Variants in MALT1 observed in about 807,000 individuals in gnomAD.
The protein encoded by MALT1 is MALT1 paracaspase.
A neutral mutation model predicts 85.5 loss-of-function variants in MALT1; 36 were observed. That is an observed-to-expected ratio of 0.42 (90% CI 0.32 to 0.56). MALT1 has a LOEUF of 0.56. Ranked by LOEUF, MALT1 falls within the 20% of genes least tolerant of loss-of-function variation. The pLI, the probability that MALT1 is intolerant of heterozygous loss-of-function variation, is 0.10. For synonymous variants in MALT1, 359 were observed against 361.3 expected, an observed-to-expected ratio of 0.99 and a Z score of 0.07; for missense variants, 716 against 981.6, an observed-to-expected ratio of 0.73 and a Z score of 3.62.
chr18:58,673,708 C>T (rs1881649092), intron 1 of MALT1, among the ~76,000 whole-genome samples: 1 of 152,164 alleles, frequency 6.6e-6, no homozygotes, highest in African/African-American at 2.4e-5. Flanking sequence ...CTCAGTCTTC[C>T]AAAGTACTGG....
At chr18:58,676,093 G>A (rs1477698648) in intron 1 of MALT1, among the ~76,000 whole-genome samples, 9 of 152,060 alleles carry the variant, frequency 5.9e-5, no homozygotes, top group Admixed American at 5.2e-4. Flanking sequence ...GCCAAGCCAC[G>A]TTGTCTCTCA....
chr18:58,687,198 T>C (rs577526576), intron 2 of MALT1, among the ~76,000 whole-genome samples: 45 of 152,182 alleles, frequency 3.0e-4, no homozygotes, highest in Non-Finnish European at 5.0e-4. Flanking sequence ...AAGAAAAATA[T>C]CAAGAAGTGA....
rs543478337 is a variant in MALT1, at chr18:58,704,763, C to G, written c.649+4172C>G. Among the ~76,000 whole-genome samples the G allele has an allele frequency of 1.9e-4, 29 of 149,270 alleles. No individual in the cohort carries two copies. In the South Asian group the frequency reaches 6.2e-3, roughly 32 times the overall value. Reference sequence around the variant, plus strand: ...CTGGCCAGAACCATGGCATTTCTTTCATAAGCTTTTTTGTATAGTATATGT... The same window carrying G: ...CTGGCCAGAACCATGGCATTTCTTTGATAAGCTTTTTTGTATAGTATATGT... On this transcript the variant is annotated intron_variant, in intron 4 of 16. Coordinates refer to ENST00000649217, the MANE Select transcript of MALT1 (RefSeq NM_006785.4).
intron 9 of MALT1, among the ~76,000 whole-genome samples, chr18:58,717,084 G>A (rs2054911711): frequency 6.6e-6 from 1 of 152,184 alleles, no homozygotes; most frequent in Non-Finnish European, 1.5e-5. Flanking sequence ...GGAAAAGGCT[G>A]GGCATGGTGG....
chr18:58,735,416 TTTATTC>T (rs1250158343), intron 13 of MALT1, 87 bp downstream of exon 13: 7 of 1,393,476 alleles, frequency 5.0e-6, no homozygotes, highest in African/African-American at 2.9e-5. Context: ...TGGTGATTGT[TTTATTC>T]TTATTATGTG....
chr18:58,730,168 GGTGTATAAGTTGTACCCTTTTTAAA>G (rs1208055839), intron 10 of MALT1, among the ~76,000 whole-genome samples: 2 of 152,260 alleles, frequency 1.3e-5, no homozygotes, highest in East Asian at 3.9e-4. Context: ...ACTTGATGGA[GGTGTATAAGTTGTACCCTTTTTAAA>G]GTGTATAATT....
intron 14 of MALT1, among the ~76,000 whole-genome samples, chr18:58,742,910 A>G (rs2055321491): frequency 6.6e-6 from 1 of 152,172 alleles, no homozygotes; most frequent in Non-Finnish European, 1.5e-5. Context: ...TAGCTTAATT[A>G]CCTTTTGGTA....
Position 58,671,798 on chromosome 18 carries a change from G to A in MALT1, c.155G>A (p.Arg52Gln), listed in dbSNP as rs893459894. ...CTCCTGGATCAGGCGCCCGAGGGCC[G>A]GGGCTGGAGGAGACTGGCGGAGCTG... The part of the protein sequence containing the change: ...SELLDQAPEG[R>Q]GWRRLAELAG... The change falls in exon 1 of 17, where the codon CGG becomes CAG. Residue 52 changes from arginine (R) to glutamine (Q), a missense_variant. Arg to Gln is a conservative substitution (Grantham distance 43). Around this residue, in one of 4 missense-constraint regions of MALT1, gnomAD observed 290 missense variants for 380.5 expected, o/e 0.76. Coordinates refer to ENST00000649217, the MANE Select transcript of MALT1 (RefSeq NM_006785.4). 2.2e-5 allele frequency: 27 copies of A among 1,246,208 alleles called. No homozygotes were observed. The highest frequency in any genetic ancestry group is 2.7e-5 in the Non-Finnish European group (27 of 996,216). 77.2% of individuals were successfully genotyped at this position (1,246,208 alleles called of 1,614,324 possible). A position where few individuals can be genotyped will look rare whatever the true frequency, so the allele number is the denominator to read the frequency against.
intron 13 of MALT1, among the ~76,000 whole-genome samples, chr18:58,740,780 C>T (rs952705252): frequency 3.3e-5 from 5 of 151,894 alleles, no homozygotes; most frequent in Admixed American, 6.6e-5. Flanking sequence ...TTAGGTTTGG[C>T]GTATTAATTT....
chr18:58,728,216 G>T (rs1413921619), intron 10 of MALT1, among the ~76,000 whole-genome samples: 3 of 152,104 alleles, frequency 2.0e-5, no homozygotes, highest in Non-Finnish European at 4.4e-5. Flanking sequence ...TTTGACATTT[G>T]TTTAAAAAAT....
At chr18:58,692,975 T>C (rs956381719) in intron 2 of MALT1, among the ~76,000 whole-genome samples, 1 of 152,224 alleles carries the variant, frequency 6.6e-6, no homozygotes, top group Non-Finnish European at 1.5e-5. Context: ...TCGCCTCATT[T>C]CTGTGAAGAC....
chr18:58,727,302 G>A (rs1424776834), intron 10 of MALT1, among the ~76,000 whole-genome samples: 2 of 149,986 alleles, frequency 1.3e-5, no homozygotes, highest in African/African-American at 4.9e-5. Context: ...TTGGGTTTTT[G>A]TTTGTTTTGT....
At chr18:58,741,314 T>C (rs191207063) in intron 13 of MALT1, 1 of 152,134 alleles carries the variant, frequency 6.6e-6, no homozygotes, top group Non-Finnish European at 1.5e-5. Context: ...TTTAAAAAAA[T>C]TGTATTTATA....
intron 2 of MALT1, among the ~76,000 whole-genome samples, chr18:58,693,120 A>G (rs578144424): frequency 6.6e-6 from 1 of 152,346 alleles, no homozygotes; most frequent in Admixed American, 6.5e-5. Context: ...CAGAAGATCT[A>G]GCTAATGCCA....
intron 1 of MALT1, 77 bp from the exon 2 acceptor site, chr18:58,681,093 C>A: frequency 7.5e-7 from 1 of 1,340,526 alleles, no homozygotes; most frequent in Non-Finnish European, 1.0e-6. Flanking sequence ...CCATACAGCA[C>A]CACCGTGGTC....
intron 9 of MALT1, among the ~76,000 whole-genome samples, chr18:58,716,199 C>T (rs8084579): frequency 0.027 from 4,150 of 152,118 alleles, 157 homozygotes; most frequent in African/African-American, 0.093. Flanking sequence ...GTGTTTCTCA[C>T]GATATGCAAA....
chr18:58,744,568 A>G (rs975307831), intron 15 of MALT1, 73 bp downstream of exon 15: 15 of 790,868 alleles, frequency 1.9e-5, no homozygotes, highest in Non-Finnish European at 3.0e-5. Context: ...TTAAAACTTA[A>G]AGTTGATGGT....
rs1319513167 is a variant in MALT1 at position 58,747,801 on chromosome 18, C to G, written c.2434C>G (p.Pro812Ala). 2 of 1,613,812 alleles carry G rather than the reference C, an allele frequency of 1.2e-6. No individual in the cohort carries two copies. The highest frequency in any genetic ancestry group is 1.7e-6 in the Non-Finnish European group (2 of 1,179,898). The change falls in exon 17 of 17, where the codon CCA (proline) becomes GCA (alanine). Residue 812 changes from proline to alanine, a missense_variant. Physicochemically the swap from Pro to Ala is conservative, Grantham distance 27. Coordinates refer to ENST00000649217, the MANE Select transcript of MALT1 (RefSeq NM_006785.4). Reference sequence around the variant, plus strand: ...GCCAGTAGAGACAACTGATGAAATACCATTTAGTTTCTCTGACAGGCTCAG... The same window carrying G: ...GCCAGTAGAGACAACTGATGAAATAGCATTTAGTTTCTCTGACAGGCTCAG... ...NVPVETTDEI[P>A]FSFSDRLRIS...
At chr18:58,721,451 C>T (rs781525196) in intron 9 of MALT1, among the ~76,000 whole-genome samples, 13 of 152,266 alleles carry the variant, frequency 8.5e-5, no homozygotes, top group East Asian at 5.8e-4. Context: ...GAGTATTCTC[C>T]GCTTTTTCAT....
Sources: allele counts gnomAD v4.1 joint callset (sites outside exome capture counted in the v4.1 genomes callset), GRCh38; gene constraint gnomAD v4.1.1; regional missense constraint gnomAD v4.1.1; transcripts MANE v1.5; gene names NCBI Gene and HGNC (gene_info 2026-07-23, HGNC 2026-07-21).